CTNNA3: variants seen among roughly 807,000 people sequenced by gnomAD.
The protein encoded by CTNNA3 is catenin alpha 3.
Under a neutral mutation model 95.7 loss-of-function variants are expected in CTNNA3, and 76 were observed. The ratio of observed to expected loss-of-function variants is 0.79; its 90% CI spans 0.66 to 0.96. The LOEUF (loss-of-function observed/expected upper bound fraction) is 0.96. Ranked by LOEUF, CTNNA3 falls within the 40% of genes least tolerant of loss-of-function variation. CTNNA3 has a pLI of 0.00. For missense variants in CTNNA3, 1,191 were observed against 1,089.8 expected, an observed-to-expected ratio of 1.09 and a Z score of -1.31; for synonymous variants, 431 against 374.4, an observed-to-expected ratio of 1.15 and a Z score of -1.74.
chr10:66,192,077 T>C (rs146437062), intron 13 of CTNNA3, among the ~76,000 whole-genome samples: 142 of 152,310 alleles, frequency 9.3e-4, no homozygotes, highest in African/African-American at 3.4e-3. Flanking sequence ...TCCAGAACTC[T>C]GAGAAATAAA....
At position 66,744,010 on chromosome 10, in the gene CTNNA3, AGG is replaced by A. The variant is rs1489004090; in HGVS notation, c.1281+22252_1281+22253del. ...AAAAAAAAAAAAAAAGGAAAGAAGG[AGG>A]AAGAGGAGGAAAAGCAGAAAGAGGG... On this transcript the variant is annotated intron_variant, in intron 9 of 17. Transcript: ENST00000433211. Among the ~76,000 whole-genome samples the A allele has an allele frequency of 6.8e-4, 96 of 141,652 alleles. 1 individual carries two copies. The highest frequency in any genetic ancestry group is 2.3e-3 in the African/African-American group (87 of 38,338). 92.9% of individuals were successfully genotyped at this position (141,652 alleles called of 152,430 possible). A position where few individuals can be genotyped will look rare whatever the true frequency, so the allele number is the denominator to read the frequency against.
At chr10:67,754,992 G>A (rs1298970564) in intron 1 of CTNNA3, among the ~76,000 whole-genome samples, 1 of 152,086 alleles carries the variant, frequency 6.6e-6, no homozygotes, top group African/African-American at 2.4e-5. Flanking sequence ...GAGGACAGAA[G>A]TTTGAGACCA....
At chr10:67,185,104 GT>G (rs1235155417) in intron 6 of CTNNA3, among the ~76,000 whole-genome samples, 2 of 151,814 alleles carry the variant, frequency 1.3e-5, no homozygotes, top group African/African-American at 4.8e-5. Context: ...TTTCCTGACT[GT>G]TTTCTTCCTA....
At chr10:67,248,843 A>G (rs555258374) in intron 5 of CTNNA3, among the ~76,000 whole-genome samples, 117 of 152,318 alleles carry the variant, frequency 7.7e-4, no homozygotes, top group Middle Eastern at 3.4e-3. Flanking sequence ...ATTTATGCCT[A>G]GTGTTCCATT....
At position 66,228,005 on chromosome 10, in the gene CTNNA3, A is replaced by G. The variant is rs150220748; in HGVS notation, c.1884+52465T>C. ...TTGTGATCCTTTATATTTCCGTGGT[A>G]TCTGTTGTAATGCCTGCATTATGAT... On this transcript the variant is annotated intron_variant, in intron 13 of 17. Transcript: ENST00000433211. Among the ~76,000 whole-genome samples the G allele has an allele frequency of 1.8e-3, 273 of 152,082 alleles. 2 individuals are homozygous for G. Among genetic ancestry groups the G allele is most frequent in the Middle Eastern group, 3.4e-3 (1 of 294 alleles).
At chr10:66,306,136 C>T (rs960747501) in intron 12 of CTNNA3, among the ~76,000 whole-genome samples, 6 of 152,140 alleles carry the variant, frequency 3.9e-5, no homozygotes, top group African/African-American at 9.7e-5. Context: ...AATACATAGA[C>T]GCAGTGTCCA....
At chr10:67,039,163 T>A (rs1294465845) in intron 7 of CTNNA3, among the ~76,000 whole-genome samples, 1 of 152,092 alleles carries the variant, frequency 6.6e-6, no homozygotes, top group African/African-American at 2.4e-5. Flanking sequence ...GCTATACTGT[T>A]ACCATACTTA....
intron 5 of CTNNA3, among the ~76,000 whole-genome samples, chr10:67,263,042 A>C (rs980281663): frequency 3.3e-5 from 5 of 152,232 alleles, no homozygotes; most frequent in Non-Finnish European, 7.3e-5. Context: ...ACTTGATGCC[A>C]TAACACAGCA....
chr10:66,606,121 C>T (rs1844111931), intron 10 of CTNNA3, among the ~76,000 whole-genome samples: 1 of 152,076 alleles, frequency 6.6e-6, no homozygotes, highest in Non-Finnish European at 1.5e-5. Flanking sequence ...AGGGAGGTTG[C>T]AATCCTAATT....
chr10:66,915,696 C>CAT lies in CTNNA3; in HGVS notation c.1048-140174_1048-140173dup, dbSNP rs1211633969. ...GTGTTTGGAAAGCTTCGGCATTTGA[C>CAT]ATATATATATATATAATATATATAT... On this transcript the variant is annotated intron_variant, in intron 7 of 17. Coordinates refer to ENST00000433211, the MANE Select transcript of CTNNA3 (RefSeq NM_013266.4). Among the ~76,000 whole-genome samples, 298 of 144,922 alleles carry CAT rather than the reference C, an allele frequency of 2.1e-3. 1 individual carries two copies. Among genetic ancestry groups the CAT allele is most frequent in the South Asian group, 0.014 (66 of 4,600 alleles).
chr10:67,337,143 C>T (rs940163607), intron 5 of CTNNA3, among the ~76,000 whole-genome samples: 2 of 152,058 alleles, frequency 1.3e-5, no homozygotes, highest in African/African-American at 2.4e-5. Context: ...AATTAAAAAC[C>T]TTCTAGAAAG....
At chr10:66,478,788 T>C (rs917473899) in intron 11 of CTNNA3, among the ~76,000 whole-genome samples, 1 of 151,892 alleles carries the variant, frequency 6.6e-6, no homozygotes, top group African/African-American at 2.4e-5. Context: ...GCCCATCTAC[T>C]GTACTCCCAG....
intron 9 of CTNNA3, among the ~76,000 whole-genome samples, chr10:66,715,339 T>C (rs1233250380): frequency 2.0e-5 from 3 of 152,050 alleles, no homozygotes; most frequent in African/African-American, 7.2e-5. Context: ...AAGTTAAAGA[T>C]TGTCATCCAT....
intron 10 of CTNNA3, among the ~76,000 whole-genome samples, chr10:66,521,212 T>C (rs1047901804): frequency 2.0e-5 from 3 of 151,784 alleles, no homozygotes; most frequent in Admixed American, 2.0e-4. Flanking sequence ...ATAATAATTT[T>C]TATTTTTAAA....
At chr10:66,191,230 T>A (rs971839226) in intron 13 of CTNNA3, among the ~76,000 whole-genome samples, 8 of 152,156 alleles carry the variant, frequency 5.3e-5, no homozygotes, top group African/African-American at 1.9e-4. Context: ...AGAGAGATTC[T>A]AGGTTCTTGG....
intron 9 of CTNNA3, among the ~76,000 whole-genome samples, chr10:66,754,906 T>C (rs568682825): frequency 6.6e-6 from 1 of 152,266 alleles, no homozygotes; most frequent in Non-Finnish European, 1.5e-5. Context: ...ATGGTTTCTC[T>C]AACTGTTAAA....
chr10:66,822,228 G>A (rs1262885298), intron 7 of CTNNA3, among the ~76,000 whole-genome samples: 1 of 151,644 alleles, frequency 6.6e-6, no homozygotes, highest in African/African-American at 2.4e-5. Flanking sequence ...CATAAATGGT[G>A]ATTCTACGGA....
chr10:67,728,713 T>C (rs1841258480), intron 1 of CTNNA3, among the ~76,000 whole-genome samples: 1 of 151,926 alleles, frequency 6.6e-6, no homozygotes, highest in Non-Finnish European at 1.5e-5. Flanking sequence ...TTTTATTATG[T>C]TCTAATTAAT....
At chr10:66,831,454 C>T (rs921121948) in intron 7 of CTNNA3, among the ~76,000 whole-genome samples, 2 of 152,182 alleles carry the variant, frequency 1.3e-5, no homozygotes, top group African/African-American at 4.8e-5. Flanking sequence ...CAAGCTTTCA[C>T]TCCACTAACT....
Sources: gnomAD v4.1 joint callset for allele counts (sites outside exome capture counted in the v4.1 genomes callset) on GRCh38, gnomAD v4.1.1 for gene constraint, MANE v1.5 for transcripts, NCBI Gene and HGNC (gene_info 2026-07-23, HGNC 2026-07-21) for gene names.